Variants in PTPRN2 observed in about 807,000 individuals in gnomAD.
The protein encoded by PTPRN2 is receptor-type tyrosine-protein phosphatase N2.
PTPRN2 carries 74 observed loss-of-function variants against 118.8 expected under a neutral mutation model. The ratio of observed to expected loss-of-function variants is 0.62; its 90% CI spans 0.52 to 0.76. PTPRN2 has a LOEUF of 0.76. Ranked by LOEUF, PTPRN2 falls within the 30% of genes least tolerant of loss-of-function variation. PTPRN2 has a pLI of 0.00. For missense variants in PTPRN2, 1,481 were observed against 1,394.4 expected, an observed-to-expected ratio of 1.06 and a Z score of -0.99; for synonymous variants, 641 against 608.0, an observed-to-expected ratio of 1.05 and a Z score of -0.80.
chr7:158,296,542 C>G (rs1800512613), intron 3 of PTPRN2, among the ~76,000 whole-genome samples: 1 of 152,216 alleles, frequency 6.6e-6, no homozygotes, highest in African/African-American at 2.4e-5. Context: ...CTGGTTAACA[C>G]AAGCCGCCCA....
rs1300087849 is a variant in PTPRN2 at position 157,861,125 on chromosome 7, G to A, written c.1788+37548C>T. Among the ~76,000 whole-genome samples, 1 of 152,228 alleles carries A rather than the reference G, an allele frequency of 6.6e-6. No individual in the cohort carries two copies. Among genetic ancestry groups the A allele is most frequent in the African/African-American group, 2.4e-5 (1 of 41,468 alleles). On this transcript the variant is annotated intron_variant, in intron 12 of 22. Transcript: ENST00000389418. This position sits in a 1 kb window ranked among gnomAD's most constrained non-coding sequence, Gnocchi z 5.8. The stretch of plus-strand genomic sequence containing the variant: ...TGGGACCCCAGCACGGGCGCTTTGG[G>A]ATGTCGGCAGAGGCACGCATGCCTC...
chr7:158,258,104 A>C (rs1436148305), intron 3 of PTPRN2, among the ~76,000 whole-genome samples: 2 of 152,222 alleles, frequency 1.3e-5, no homozygotes, highest in Admixed American at 6.5e-5. Context: ...AGACCCAAAT[A>C]GAACTAATCT....
intron 13 of PTPRN2, among the ~76,000 whole-genome samples, chr7:157,673,064 CT>C (rs1035650764): frequency 1.3e-5 from 2 of 151,444 alleles, no homozygotes; most frequent in African/African-American, 2.4e-5. Flanking sequence ...AGGTTCCATC[CT>C]TTTTTTTTGA....
At chr7:158,245,504 C>G (rs1229175949) in intron 3 of PTPRN2, among the ~76,000 whole-genome samples, 1 of 151,736 alleles carries the variant, frequency 6.6e-6, no homozygotes, top group Admixed American at 6.5e-5. Context: ...GCCGCCCTGG[C>G]CTGAGTCAAA....
intron 12 of PTPRN2, among the ~76,000 whole-genome samples, chr7:157,712,674 G>A (rs58071812): frequency 0.012 from 1,807 of 149,728 alleles, 35 homozygotes; most frequent in African/African-American, 0.043. Context: ...TTGCTTGAAC[G>A]GAGGAGGTGG....
At chr7:158,140,646 C>A (rs1819284883) in intron 6 of PTPRN2, among the ~76,000 whole-genome samples, 1 of 152,196 alleles carries the variant, frequency 6.6e-6, no homozygotes, top group South Asian at 2.1e-4. Context: ...CGAGGTCTGC[C>A]CAGGGCAACC....
chr7:157,694,532 G>T (rs554051668), intron 12 of PTPRN2, among the ~76,000 whole-genome samples: 1 of 152,312 alleles, frequency 6.6e-6, no homozygotes, highest in East Asian at 1.9e-4. Flanking sequence ...GTCATGAGAA[G>T]AACGCGTTTG....
intron 11 of PTPRN2, among the ~76,000 whole-genome samples, chr7:158,034,537 T>C (rs538166779): frequency 6.6e-6 from 1 of 152,174 alleles, no homozygotes; most frequent in East Asian, 1.9e-4. Context: ...CCTCCTTGCC[T>C]TCCACCATGA....
At chr7:158,297,618 A>G (rs1265333439) in intron 3 of PTPRN2, among the ~76,000 whole-genome samples, 1 of 152,210 alleles carries the variant, frequency 6.6e-6, no homozygotes, top group East Asian at 1.9e-4. Context: ...GACAGGTCCC[A>G]AAGAAATATG....
At chr7:157,817,938 G>C (rs58159830) in intron 12 of PTPRN2, among the ~76,000 whole-genome samples, 2,861 of 152,110 alleles carry the variant, frequency 0.019, 94 homozygotes, top group African/African-American at 0.066. Flanking sequence ...TATGTATGGT[G>C]TATATGTGTG....
chr7:158,276,671 G>C (rs770036854), intron 3 of PTPRN2, among the ~76,000 whole-genome samples: 2 of 152,204 alleles, frequency 1.3e-5, no homozygotes, highest in Admixed American at 6.5e-5. Context: ...TGCTTCCAGC[G>C]TTTCCAGGCC....
chr7:157,839,190 T>C (rs1808193117), intron 12 of PTPRN2, among the ~76,000 whole-genome samples: 1 of 152,264 alleles, frequency 6.6e-6, no homozygotes. Flanking sequence ...GTAATTGTTC[T>C]TTACTGAATT....
Position 158,128,126 on chromosome 7 carries a change from T to C in PTPRN2, c.1556+5551A>G, listed in dbSNP as rs544670261. On this transcript the variant is annotated intron_variant, in intron 9 of 22. Transcript: ENST00000389418. Reference sequence around the variant, plus strand: ...ACAACCAAATGTACAAAAGTCCCCCTTTTTTAAAGAATGCCATCTGTGTCT... The same window carrying C: ...ACAACCAAATGTACAAAAGTCCCCCCTTTTTAAAGAATGCCATCTGTGTCT... 9.8e-5 allele frequency among the ~76,000 whole-genome samples: 15 copies of C among 152,292 alleles called. No individual in the cohort carries two copies. In the East Asian group the frequency reaches 1.5e-3, roughly 16 times the overall value.
At position 158,149,834 on chromosome 7, in the gene PTPRN2, G is replaced by A. The variant is rs372685426; in HGVS notation, c.911-11319C>T. Reference sequence around the variant, plus strand: ...AAAAAAAAAGATAAACCCAAGTGATGTCTCTTGAAAAAACAAAAAAATTAC... The same window carrying A: ...AAAAAAAAAGATAAACCCAAGTGATATCTCTTGAAAAAACAAAAAAATTAC... On this transcript the variant is annotated intron_variant, in intron 6 of 22. Transcript: ENST00000389418. Among the ~76,000 whole-genome samples the A allele has an allele frequency of 1.4e-4, 21 of 150,954 alleles. No individual in the cohort carries two copies. In the East Asian group the frequency reaches 3.7e-3, roughly 26 times the overall value.
intron 1 of PTPRN2, among the ~76,000 whole-genome samples, chr7:158,569,926 G>A (rs911382987): frequency 4.6e-5 from 7 of 152,068 alleles, no homozygotes; most frequent in Admixed American, 4.6e-4. Context: ...ACAGGAGCGC[G>A]GGGCGGCGCC....
At chr7:157,657,569 T>C (rs1304387773) in intron 13 of PTPRN2, among the ~76,000 whole-genome samples, 1 of 38,014 alleles carries the variant, frequency 2.6e-5, no homozygotes. Flanking sequence ...ACCACACACA[T>C]CACACATATA....
In PTPRN2 at chr7:158,072,083, GTGGAGGTGCTCGTAGTA is replaced by G. The variant is rs1240808217; in HGVS notation, c.1723+9198_1723+9214del. On this transcript the variant is annotated intron_variant, in intron 11 of 22. Transcript: ENST00000389418. ...CGTGGTGGTGGAGGTGCTCGTGGTG[GTGGAGGTGCTCGTAGTA>G]TGGAGGTGCTCATGGTGGTGGAGGT... is the stretch of plus-strand genomic sequence containing the variant. 7.7e-4 allele frequency among the ~76,000 whole-genome samples: 100 copies of G among 129,984 alleles called. No individual in the cohort carries two copies. In the Middle Eastern group the frequency reaches 0.027, roughly 35 times the overall value. 85.3% of individuals were successfully genotyped at this position (129,984 alleles called of 152,430 possible). A position where few individuals can be genotyped will look rare whatever the true frequency, so the allele number is the denominator to read the frequency against.
chr7:158,417,736 G>A (rs111383041), intron 2 of PTPRN2, among the ~76,000 whole-genome samples: 4 of 24,480 alleles, frequency 1.6e-4, no homozygotes, highest in Non-Finnish European at 3.1e-4. Context: ...GTTAAGTCAC[G>A]GTGTACTACA....
At chr7:158,081,242 GT>G in intron 11 of PTPRN2, 55 bp downstream of exon 11, 1 of 1,446,178 alleles carries the variant, frequency 6.9e-7, no homozygotes, top group East Asian at 2.3e-5. Flanking sequence ...GTTTGCGTGC[GT>G]GTGTGTGTGC....
Sources: allele counts gnomAD v4.1 joint callset (sites outside exome capture counted in the v4.1 genomes callset), GRCh38; gene constraint gnomAD v4.1.1; non-coding constraint Gnocchi (gnomAD v3.1); transcripts MANE v1.5; gene names NCBI Gene and HGNC (gene_info 2026-07-23, HGNC 2026-07-21).